The following RGS7 variants were observed in gnomAD, a reference collection of about 807,000 sequenced individuals.
RGS7 encodes the protein regulator of G protein signaling 7.
Under a neutral mutation model 81.1 loss-of-function variants are expected in RGS7, and 27 were observed. That is an observed-to-expected ratio of 0.33 (90% confidence interval 0.25 to 0.46). The LOEUF (loss-of-function observed/expected upper bound fraction) is 0.46, where lower values mean the gene tolerates loss of function less well. RGS7 is among the 20% of genes least tolerant of loss of function. RGS7 has a pLI of 1.00. For synonymous variants in RGS7, 208 were observed against 207.7 expected (o/e 1.00, Z -0.01); for missense variants, 396 against 607.4 (o/e 0.65, Z 3.66).
chr1:241,269,409 C>G (rs932011000), intron 2 of RGS7, among the ~76,000 whole-genome samples: 1 of 152,184 alleles, frequency 6.6e-6, no homozygotes, highest in Non-Finnish European at 1.5e-5. Flanking sequence ...TCCGTCCATC[C>G]CAGAGGGCCC....
chr1:240,999,855 G>A lies in RGS7; in HGVS notation c.176-16726C>T, dbSNP rs149288429. Among the ~76,000 whole-genome samples the A allele has an allele frequency of 4.4e-3, 671 of 152,046 alleles. 10 individuals carry two copies. The highest frequency in any genetic ancestry group is 0.015 in the African/African-American group (627 of 41,444). On this transcript the variant is annotated intron_variant, in intron 3 of 18. Coordinates refer to ENST00000440928, the MANE Select transcript of RGS7 (RefSeq NM_001364886.1). ...TGGCCTCAAACAATCCACCCACCTC[G>A]GCCTATCAAAGTGCTGCGACTACAG...
At chr1:241,000,097 T>C (rs1293460519) in intron 3 of RGS7, among the ~76,000 whole-genome samples, 1 of 152,174 alleles carries the variant, frequency 6.6e-6, no homozygotes, top group East Asian at 1.9e-4. Flanking sequence ...GAAGTCTCGA[T>C]GCTCCCTTAG....
At chr1:240,795,418 G>A (rs1686878481) in intron 18 of RGS7, among the ~76,000 whole-genome samples, 2 of 152,128 alleles carry the variant, frequency 1.3e-5, no homozygotes. Flanking sequence ...TACAACATCT[G>A]ATTCCCACCT....
intron 2 of RGS7, among the ~76,000 whole-genome samples, chr1:241,346,530 C>T (rs891163556): frequency 2.0e-5 from 3 of 152,212 alleles, no homozygotes; most frequent in Non-Finnish European, 4.4e-5. Context: ...TTTATTCATT[C>T]ATTCATGCAT....
chr1:240,944,280 GTGTA>G (rs1202488968), intron 4 of RGS7, among the ~76,000 whole-genome samples: 4 of 21,180 alleles, frequency 1.9e-4, no homozygotes, highest in African/African-American at 6.3e-4. Context: ...GTGTGTGTGT[GTGTA>G]TATATATATA....
intron 2 of RGS7, among the ~76,000 whole-genome samples, chr1:241,183,299 CCTATCTATGGCACTCAA>C (rs1301102780): frequency 4.6e-5 from 7 of 152,200 alleles, no homozygotes; most frequent in Non-Finnish European, 2.9e-5. Flanking sequence ...TGGTTGCGTG[CCTATCTATGGCACTCAA>C]TTCCCACTAT....
In RGS7 at chr1:240,816,346, G is replaced by A. The variant is rs773208905; in HGVS notation, c.754C>T (p.Pro252Ser). Reference protein sequence around the residue: ...PTHTPTPETKPPTEDELQQQI... With the variant: ...PTHTPTPETKSPTEDELQQQI... ...TGTTGTAACTCATCTTCTGTTGGAG[G>A]TTTAGTTTCTGGTGTGGGTGTGTGG... is the stretch of plus-strand genomic sequence containing the variant. The change falls in exon 11 of 19, where the codon CCT becomes TCT. Residue 252 changes from proline to serine, a missense_variant. By Grantham distance (74) the Pro-to-Ser change is moderately conservative (BLOSUM62 -1). Transcript: ENST00000440928. 1 of 1,611,986 alleles carries A rather than the reference G, an allele frequency of 6.2e-7. No individual in the cohort carries two copies. The highest frequency in any genetic ancestry group is 1.1e-5 in the South Asian group (1 of 91,034).
chr1:240,938,819 T>C (rs1462957889), intron 4 of RGS7, among the ~76,000 whole-genome samples: 3 of 143,556 alleles, frequency 2.1e-5, no homozygotes, highest in Non-Finnish European at 4.5e-5. Flanking sequence ...ATCAATTTTG[T>C]GCGTGTGTGT....
chr1:241,259,879 T>C (rs2077243682), intron 2 of RGS7, among the ~76,000 whole-genome samples: 1 of 151,746 alleles, frequency 6.6e-6, no homozygotes, highest in Non-Finnish European at 1.5e-5. Flanking sequence ...AAAATATTAG[T>C]AGTAAAAGGG....
In RGS7 at chr1:240,893,604, T is replaced by TAA. The variant is rs150441274; in HGVS notation, c.386-23487_386-23486dup. On this transcript the variant is annotated intron_variant, in intron 6 of 18. Coordinates refer to ENST00000440928, the MANE Select transcript of RGS7 (RefSeq NM_001364886.1). ...TTCATGATGCTTAGAAAGACTGCAT[T>TAA]AAAAAAAAACAAAACTCCAAAACTT... Among the ~76,000 whole-genome samples, 264 of 150,380 alleles carry TAA rather than the reference T, an allele frequency of 1.8e-3. 1 individual carries two copies. Among genetic ancestry groups the TAA allele is most frequent in the African/African-American group, 5.6e-3 (231 of 41,092 alleles).
chr1:240,881,812 G>T (rs1277841939), intron 6 of RGS7, among the ~76,000 whole-genome samples: 1 of 152,076 alleles, frequency 6.6e-6, no homozygotes, highest in African/African-American at 2.4e-5. Flanking sequence ...TTGTCATAAA[G>T]TAAGAGTAAG....
chr1:241,126,621 TACA>T (rs1372255948), intron 2 of RGS7, among the ~76,000 whole-genome samples: 1 of 152,186 alleles, frequency 6.6e-6, no homozygotes, highest in East Asian at 1.9e-4. Flanking sequence ...ATGTGCTAAA[TACA>T]ACAATATCCT....
At chr1:241,106,970 GATAA>G (rs2102930733) in intron 2 of RGS7, among the ~76,000 whole-genome samples, 1 of 151,050 alleles carries the variant, frequency 6.6e-6, no homozygotes, top group African/African-American at 2.4e-5. Context: ...TAAATAAACA[GATAA>G]ATAAACAATT....
intron 2 of RGS7, chr1:241,132,263 G>C (rs1181461547): frequency 6.5e-6 from 1 of 154,818 alleles, no homozygotes; most frequent in Non-Finnish European, 1.5e-5. Flanking sequence ...AATTTTGTTA[G>C]AATGTAACAT....
intron 4 of RGS7, among the ~76,000 whole-genome samples, chr1:240,982,475 A>G (rs1442977493): frequency 2.0e-5 from 3 of 150,738 alleles, no homozygotes; most frequent in Non-Finnish European, 4.4e-5. Context: ...CATATGTAGG[A>G]TCTTGTTCCA....
chr1:241,051,932 C>T (rs186538307), intron 3 of RGS7, among the ~76,000 whole-genome samples: 3 of 152,272 alleles, frequency 2.0e-5, no homozygotes, highest in Admixed American at 1.3e-4. Flanking sequence ...CAACCGTACA[C>T]GTATCATGTG....
At chr1:241,150,292 C>A (rs1332173926) in intron 2 of RGS7, among the ~76,000 whole-genome samples, 1 of 152,078 alleles carries the variant, frequency 6.6e-6, no homozygotes, top group East Asian at 1.9e-4. Context: ...TATTTTCACT[C>A]TATGTTAATT....
At chr1:241,355,943 A>G in intron 1 of RGS7, 117 bp from the exon 2 acceptor site, 1 of 678,074 alleles carries the variant, frequency 1.5e-6, no homozygotes, top group Non-Finnish European at 2.7e-6. Context: ...CTGGCTGGAG[A>G]AAGTGACACA....
chr1:240,811,380 G>A (rs1321350546), intron 14 of RGS7, among the ~76,000 whole-genome samples: 8 of 152,216 alleles, frequency 5.3e-5, no homozygotes, highest in African/African-American at 1.9e-4. Context: ...GGCAGAATGG[G>A]TGTCACTCTC....
Sources: allele counts gnomAD v4.1 joint callset (sites outside exome capture counted in the v4.1 genomes callset), GRCh38; gene constraint gnomAD v4.1.1; transcripts MANE v1.5; gene names NCBI Gene and HGNC (gene_info 2026-07-23, HGNC 2026-07-21).